KIAA1549L: variants seen among roughly 807,000 people sequenced by gnomAD.
The protein encoded by KIAA1549L is UPF0606 protein KIAA1549L.
Under a neutral mutation model 160.7 loss-of-function variants are expected in KIAA1549L, and 88 were observed. That is an observed-to-expected ratio of 0.55 (90% confidence interval 0.46 to 0.65). The LOEUF (loss-of-function observed/expected upper bound fraction) is 0.65, where lower values mean the gene tolerates loss of function less well. Among genes scored for constraint, KIAA1549L ranks in the 30% least tolerant of loss-of-function variants. The pLI is 0.00. For synonymous variants in KIAA1549L, 950 were observed against 976.7 expected, an observed-to-expected ratio of 0.97 and a Z score of 0.51; for missense variants, 2,258 against 2,437.5, an observed-to-expected ratio of 0.93 and a Z score of 1.55.
rs1416769357 is a variant in KIAA1549L, at chr11:33,667,934, C to T, written c.6221C>T (p.Ser2074Phe). 4.3e-6 allele frequency: 7 copies of T among 1,613,732 alleles called. No individual in the cohort carries two copies. In the African/African-American group the frequency reaches 8.0e-5, roughly 18 times the overall value. Residue 2074 changes from serine to phenylalanine, a missense_variant, in exon 21 of 21, where the codon TCC (serine) becomes TTC (phenylalanine). Ser to Phe is a radical substitution (Grantham distance 155). This residue lies in a region of KIAA1549L where 1,359 missense variants were observed against 1,546.6 expected (regional missense o/e 0.88). Transcript: ENST00000658780. Reference protein sequence around the residue: ...PRSRYPQSSPSRLPRQYSQPA... With the variant: ...PRSRYPQSSPFRLPRQYSQPA... ...TCACGGTACCCCCAGAGCTCTCCCTCCAGGCTTCCTCGTCAGTACAGCCAG... is the reference window on the plus strand; with the variant it reads ...TCACGGTACCCCCAGAGCTCTCCCTTCAGGCTTCCTCGTCAGTACAGCCAG...
chr11:33,535,084 G>A (rs891607653), intron 1 of KIAA1549L, among the ~76,000 whole-genome samples: 1 of 152,182 alleles, frequency 6.6e-6, no homozygotes, highest in African/African-American at 2.4e-5. Context: ...AGGCTTGGCT[G>A]GGGAAGAATC....
At chr11:33,459,247 T>C (rs2132993038) in intron 1 of KIAA1549L, among the ~76,000 whole-genome samples, 1 of 152,348 alleles carries the variant, frequency 6.6e-6, no homozygotes, top group South Asian at 2.1e-4. Context: ...TGTCACACTG[T>C]ATTTATTTTG....
chr11:33,431,880 G>A (rs1232218222), intron 1 of KIAA1549L, among the ~76,000 whole-genome samples: 1 of 152,256 alleles, frequency 6.6e-6, no homozygotes, highest in Non-Finnish European at 1.5e-5. Context: ...CAGTCCCAAG[G>A]ACTGCCCCAC....
intron 1 of KIAA1549L, among the ~76,000 whole-genome samples, chr11:33,395,991 G>T (rs1007243786): frequency 6.6e-6 from 1 of 152,064 alleles, no homozygotes; most frequent in East Asian, 1.9e-4. Context: ...TTGGGGGCAG[G>T]TTTGAGGTTA....
chr11:33,434,420 C>A (rs1302020114), intron 1 of KIAA1549L, among the ~76,000 whole-genome samples: 1 of 152,166 alleles, frequency 6.6e-6, no homozygotes, highest in Non-Finnish European at 1.5e-5. Flanking sequence ...TATAAATTAC[C>A]CAGTCCAAGG....
At chr11:33,427,413 A>G (rs79251230) in intron 1 of KIAA1549L, among the ~76,000 whole-genome samples, 4,664 of 151,994 alleles carry the variant, frequency 0.031, 249 homozygotes, top group African/African-American at 0.11. Context: ...CCTGCTCAGT[A>G]TGCTCCTCTC....
chr11:33,635,764 A>G (rs1851421023), intron 16 of KIAA1549L, among the ~76,000 whole-genome samples: 1 of 152,134 alleles, frequency 6.6e-6, no homozygotes, highest in South Asian at 2.1e-4. Flanking sequence ...TTTGAGTAGG[A>G]ATTCTCCAGA....
At chr11:33,407,185 C>T (rs551394841) in intron 1 of KIAA1549L, among the ~76,000 whole-genome samples, 8 of 140,510 alleles carry the variant, frequency 5.7e-5, no homozygotes, top group Admixed American at 4.6e-4. Flanking sequence ...CCCGGGTTCA[C>T]GCCATTCTCC....
intron 1 of KIAA1549L, among the ~76,000 whole-genome samples, chr11:33,416,470 AAACC>A (rs1850891883): frequency 6.6e-6 from 1 of 152,180 alleles, no homozygotes; most frequent in South Asian, 2.1e-4. Context: ...TTGAAAAAAA[AAACC>A]AACACAACAA....
At chr11:33,448,483 G>T (rs1851659649) in intron 1 of KIAA1549L, among the ~76,000 whole-genome samples, 1 of 152,182 alleles carries the variant, frequency 6.6e-6, no homozygotes, top group Admixed American at 6.5e-5. Flanking sequence ...TGGCCTTGAA[G>T]ATATTTTTTA....
rs193095062 is a variant in KIAA1549L, at chr11:33,541,854, C to T, written c.291C>T (p.Pro97=). ...NVTRTPESFP[P]GKLLPISPTW... ...CCCGGACTCCAGAGTCATTTCCTCCCGGGAAATTGTTACCAATTTCACCAA... is the reference window on the plus strand; with the variant it reads ...CCCGGACTCCAGAGTCATTTCCTCCTGGGAAATTGTTACCAATTTCACCAA... Residue 97 remains proline, a synonymous_variant, in exon 2 of 21, where the codon CCC becomes CCT. Transcript: ENST00000658780. 69 of 280,058 alleles carry T rather than the reference C, an allele frequency of 2.5e-4. 1 individual carries two copies. The highest frequency in any genetic ancestry group is 2.9e-4 in the Non-Finnish European group (40 of 135,600). The allele number at this position is 280,058 out of a possible 1,614,324, so 17.3% of individuals were successfully genotyped here.
chr11:33,631,770 C>A (rs1375230665), intron 16 of KIAA1549L, among the ~76,000 whole-genome samples: 2 of 152,200 alleles, frequency 1.3e-5, no homozygotes, highest in Non-Finnish European at 2.9e-5. Context: ...CCTCCAACTT[C>A]CATTAGTTAG....
intron 1 of KIAA1549L, among the ~76,000 whole-genome samples, chr11:33,450,239 A>G (rs1851692443): frequency 6.6e-6 from 1 of 152,110 alleles, no homozygotes; most frequent in Non-Finnish European, 1.5e-5. Flanking sequence ...TGGGCTTTCC[A>G]TTTAGGTGCA....
At chr11:33,526,429 C>T (rs1378585496) in intron 1 of KIAA1549L, among the ~76,000 whole-genome samples, 2 of 152,234 alleles carry the variant, frequency 1.3e-5, no homozygotes, top group Non-Finnish European at 2.9e-5. Context: ...CTTCACTCCC[C>T]TGCCACCTTT....
At chr11:33,636,430 C>T (rs1471313353) in intron 16 of KIAA1549L, among the ~76,000 whole-genome samples, 1 of 148,964 alleles carries the variant, frequency 6.7e-6, no homozygotes, top group Non-Finnish European at 1.5e-5. Flanking sequence ...CTCACTGCAA[C>T]TTCCACCTCC....
intron 1 of KIAA1549L, among the ~76,000 whole-genome samples, chr11:33,518,804 A>G (rs1390381456): frequency 1.3e-5 from 2 of 152,198 alleles, no homozygotes; most frequent in Admixed American, 6.5e-5. Flanking sequence ...TTACAGGTTG[A>G]GTATTCCTTA....
intron 1 of KIAA1549L, among the ~76,000 whole-genome samples, chr11:33,490,165 C>G (rs944878110): frequency 6.6e-6 from 1 of 152,096 alleles, no homozygotes; most frequent in Non-Finnish European, 1.5e-5. Context: ...AAGTGGGGTT[C>G]TAGTCCCATT....
At chr11:33,396,611 T>C (rs962764760) in intron 1 of KIAA1549L, among the ~76,000 whole-genome samples, 1 of 151,630 alleles carries the variant, frequency 6.6e-6, no homozygotes, top group Non-Finnish European at 1.5e-5. Flanking sequence ...CTGAACTTAC[T>C]CTTCTCCCTT....
intron 1 of KIAA1549L, among the ~76,000 whole-genome samples, chr11:33,533,085 C>T (rs541714117): frequency 6.6e-6 from 1 of 152,206 alleles, no homozygotes; most frequent in East Asian, 1.9e-4. Flanking sequence ...CTGATATAGC[C>T]CTAGGCCTGA....
Sources: gnomAD v4.1 joint callset for allele counts (sites outside exome capture counted in the v4.1 genomes callset) on GRCh38, gnomAD v4.1.1 for gene constraint, gnomAD v4.1.1 regional missense constraint, MANE v1.5 for transcripts, NCBI Gene and HGNC (gene_info 2026-07-23, HGNC 2026-07-21) for gene names.